SLC19A1: variants seen among roughly 807,000 people sequenced by gnomAD.
SLC19A1 encodes the protein reduced folate transporter.
Under a neutral mutation model 35.3 loss-of-function variants are expected in SLC19A1, and 37 were observed. The observed-to-expected ratio is 1.05, with a 90% CI of 0.81 to 1.38. SLC19A1 has a LOEUF of 1.38. Ranked by LOEUF, SLC19A1 falls within the 40% of genes most tolerant of loss-of-function variation. The pLI is 0.00. For missense variants in SLC19A1, 831 were observed against 826.9 expected, an observed-to-expected ratio of 1.00 and a Z score of -0.06; for synonymous variants, 460 against 398.5, an observed-to-expected ratio of 1.15 and a Z score of -1.84.
At chr21:45,516,668 G>A (rs147693836) in intron 5 of SLC19A1, among the ~76,000 whole-genome samples, 2,502 of 152,332 alleles carry the variant, frequency 0.016, 28 homozygotes, top group Non-Finnish European at 0.028. Flanking sequence ...CAGCACCAGC[G>A]TTGGCCACAT....
intron 5 of SLC19A1, among the ~76,000 whole-genome samples, chr21:45,518,430 G>A (rs1336374789): frequency 6.6e-6 from 1 of 152,094 alleles, no homozygotes; most frequent in Non-Finnish European, 1.5e-5. Flanking sequence ...AAAGGAGTGG[G>A]GTTCAAAAAG....
Position 45,517,469 on chromosome 21 carries a change from C to T in SLC19A1, c.1294-1329G>A, listed in dbSNP as rs1171481332. On this transcript the variant is annotated intron_variant, in intron 5 of 5. Transcript: ENST00000311124. This position sits in a 1 kb window ranked among gnomAD's most constrained non-coding sequence, Gnocchi z 4.4. ...TCACTCCCACTGGTTGGTAAAGACA[C>T]CCACCCTCACCCCCAAGGAGTCAGC... is the stretch of plus-strand genomic sequence containing the variant. Among the ~76,000 whole-genome samples the T allele has an allele frequency of 6.6e-6, 1 of 152,020 alleles. No homozygotes were observed. Among genetic ancestry groups the T allele is most frequent in the South Asian group, 2.1e-4 (1 of 4,824 alleles).
rs1033739350 is a variant in SLC19A1, at chr21:45,540,238, C to T, written c.-50+2130G>A. Among the ~76,000 whole-genome samples the T allele has an allele frequency of 1.3e-5, 2 of 152,210 alleles. No individual in the cohort carries two copies. Among genetic ancestry groups the T allele is most frequent in the Admixed American group, 1.3e-4 (2 of 15,288 alleles). ...GCCCTGGGACTCCCTGTCAAGTTCA[C>T]TTTCCCACCTGTCAGCAGGTTTAGA... On this transcript the variant is annotated intron_variant, in intron 1 of 5. Transcript: ENST00000311124. This position sits in a 1 kb window ranked among gnomAD's most constrained non-coding sequence, Gnocchi z 5.5.
downstream of SLC19A1, among the ~76,000 whole-genome samples, chr21:45,508,849 G>C (rs952228045): frequency 6.6e-6 from 1 of 152,210 alleles, no homozygotes. Context: ...ATGTGGACAG[G>C]GTGCAGGTGG....
intron 1 of SLC19A1, among the ~76,000 whole-genome samples, chr21:45,550,903 A>G (rs973922562): frequency 2.0e-4 from 2 of 10,184 alleles, no homozygotes; most frequent in Non-Finnish European, 4.1e-4. Context: ...CCCTCCCACC[A>G]CCGCCCCCCA....
intron 4 of SLC19A1, among the ~76,000 whole-genome samples, chr21:45,528,470 G>GA (rs2077729463): frequency 6.6e-6 from 1 of 152,116 alleles, no homozygotes; most frequent in African/African-American, 2.4e-5. Context: ...TCTGGTTAAG[G>GA]AAAGGCTGGG....
At chr21:45,511,943 G>GGCCCCTC (rs1361762936), downstream of SLC19A1, among the ~76,000 whole-genome samples, 1 of 152,230 alleles carries the variant, frequency 6.6e-6, no homozygotes, top group African/African-American at 2.4e-5. Flanking sequence ...GCCAAGCCCT[G>GGCCCCTC]GCCCCTCTCC....
In SLC19A1 at chr21:45,523,405, C is replaced by T. The variant is rs138141834; in HGVS notation, c.1293+2412G>A. ...AACCACAGGCCAGAACCTGCCTCCA[C>T]CTCCCCAGAGCTGTCTCCCCCACAG... On this transcript the variant is annotated intron_variant, in intron 5 of 5. Coordinates refer to ENST00000311124, the MANE Select transcript of SLC19A1 (RefSeq NM_194255.4). 9.9e-4 allele frequency among the ~76,000 whole-genome samples: 151 copies of T among 152,342 alleles called. 2 individuals are homozygous for T. The highest frequency in any genetic ancestry group is 1.7e-3 in the Non-Finnish European group (115 of 68,030).
rs557153845 is a variant in SLC19A1, at chr21:45,513,418, C to T, written c.*2240G>A. The T allele has an allele frequency of 6.6e-6, 1 of 152,288 alleles. No homozygotes were observed. The highest frequency in any genetic ancestry group is 2.4e-5 in the African/African-American group (1 of 41,466). 9.4% of individuals were successfully genotyped at this position (152,288 alleles called of 1,614,324 possible). Reference sequence around the variant, plus strand: ...GTCTCCTAGGAAACCCATATCCTTACCCTCCTTGGGACTGAAGGGGAACCC... The same window carrying T: ...GTCTCCTAGGAAACCCATATCCTTATCCTCCTTGGGACTGAAGGGGAACCC... On this transcript the variant is annotated 3_prime_UTR_variant, in exon 6 of 6. Coordinates refer to ENST00000311124, the MANE Select transcript of SLC19A1 (RefSeq NM_194255.4).
chr21:45,548,746 A>T (rs555959402), upstream of SLC19A1, among the ~76,000 whole-genome samples: 176 of 152,220 alleles, frequency 1.2e-3, no homozygotes, highest in African/African-American at 3.4e-3. Context: ...TCTGTCTAAA[A>T]AAATAAATAA....
intron 4 of SLC19A1, among the ~76,000 whole-genome samples, chr21:45,529,328 G>A (rs2077763978): frequency 6.6e-6 from 1 of 152,228 alleles, no homozygotes; most frequent in African/African-American, 2.4e-5. Context: ...GGGTCAGGAG[G>A]GTGCTCTCAG....
At chr21:45,509,873 CGGGGCTGCTCTGACCTGGCAGCGTATG>C (rs2037470171), downstream of SLC19A1, among the ~76,000 whole-genome samples, 1 of 152,204 alleles carries the variant, frequency 6.6e-6, no homozygotes, top group South Asian at 2.1e-4. Flanking sequence ...CCACGTGGCC[CGGGGCTGCTCTGACCTGGCAGCGTATG>C]GGGGCTGCTG....
intron 5 of SLC19A1, among the ~76,000 whole-genome samples, chr21:45,516,380 C>T (rs532387477): frequency 3.3e-5 from 5 of 152,334 alleles, no homozygotes; most frequent in South Asian, 2.1e-4. Context: ...AAGAACCCCT[C>T]GGAACCTGGC....
At chr21:45,510,492 GC>G (rs950172710), downstream of SLC19A1, among the ~76,000 whole-genome samples, 2 of 152,178 alleles carry the variant, frequency 1.3e-5, no homozygotes, top group South Asian at 2.1e-4. Context: ...ATCCCATGAG[GC>G]CCCCCCGTGG....
At chr21:45,510,507 C>T (rs1313470598), downstream of SLC19A1, among the ~76,000 whole-genome samples, 1 of 152,154 alleles carries the variant, frequency 6.6e-6, no homozygotes, top group African/African-American at 2.4e-5. Context: ...CCCGTGGCCC[C>T]CTGACCCCCC....
chr21:45,555,691 G>T (rs543305868), intron 1 of SLC19A1, among the ~76,000 whole-genome samples: 6 of 152,160 alleles, frequency 3.9e-5, no homozygotes, highest in Admixed American at 1.3e-4. Context: ...GCTGGCCTAG[G>T]CCCTGGGACC....
In SLC19A1 at chr21:45,525,816, C is replaced by T. The variant is rs748133268; in HGVS notation, c.1293+1G>A. ...AGGACGCAGGCCTGAAATGGGCTCA[C>T]CTGCTTGCGGACCGGGAGGCCCAGG... On this transcript the variant is annotated splice_donor_variant, in intron 5 of 5. Transcript: ENST00000311124. LOFTEE classifies it high-confidence loss of function. 21 of 1,613,188 alleles carry T rather than the reference C, an allele frequency of 1.3e-5. No individual in the cohort carries two copies. In the South Asian group the frequency reaches 2.2e-4, roughly 17 times the overall value.
At position 45,515,892 on chromosome 21, in the gene SLC19A1, G is replaced by T. The variant is rs1007629563; in HGVS notation, c.1542C>A (p.Ala514=). ...GGTCGCTCTGTCTCTGCTCCAGGGA[G>T]GCTGGCCCCACAGCCCCCAGGCTGT... ...PEDSLGAVGP[A]SLEQRQSDPY... is the part of the protein sequence containing the mutation. The change falls in exon 6 of 6, where the codon GCC becomes GCA. Residue 514 remains alanine, a synonymous_variant. Transcript: ENST00000311124. 1.9e-6 allele frequency: 3 copies of T among 1,560,932 alleles called. No homozygotes were observed. The highest frequency in any genetic ancestry group is 2.6e-6 in the Non-Finnish European group (3 of 1,153,552).
chr21:45,562,763 G>A (rs1344628317), exon 1 of SLC19A1, among the ~76,000 whole-genome samples: 1 of 152,194 alleles, frequency 6.6e-6, no homozygotes, highest in Non-Finnish European at 1.5e-5. Context: ...ACAATCCGCA[G>A]AAGATCCTCC....
Sources: allele counts gnomAD v4.1 joint callset (sites outside exome capture counted in the v4.1 genomes callset), GRCh38; gene constraint gnomAD v4.1.1; non-coding constraint Gnocchi (gnomAD v3.1); transcripts MANE v1.5; gene names NCBI Gene and HGNC (gene_info 2026-07-23, HGNC 2026-07-21).